CHRDL1: variants seen among roughly 807,000 people sequenced by gnomAD.
CHRDL1 encodes the protein chordin-like protein 1.
CHRDL1 carries 19 observed loss-of-function variants against 40.9 expected under a neutral mutation model. The ratio of observed to expected loss-of-function variants is 0.46; its 90% CI spans 0.32 to 0.68. The LOEUF (loss-of-function observed/expected upper bound fraction) is 0.68. Ranked by LOEUF, CHRDL1 falls within the 30% of genes least tolerant of loss-of-function variation. The probability of loss-of-function intolerance (pLI) is 0.03; values close to 1 mark genes in which losing one functional copy is unlikely to be tolerated. For synonymous variants in CHRDL1, 136 were observed against 123.4 expected (o/e 1.10, Z -0.68); for missense variants, 329 against 352.1 (o/e 0.93, Z 0.53).
intron 4 of CHRDL1, among the ~76,000 whole-genome samples, chrX:110,747,527 G>A (rs746083197): frequency 9.0e-6 from 1 of 111,481 alleles, no homozygotes; most frequent in Non-Finnish European, 1.9e-5. Context: ...AGAATCCTAT[G>A]CTTGGTTGTA....
rs1380612591 is a variant in CHRDL1 at position 110,675,937 on chromosome X, G to A, written c.*294C>T. 1 of 205,220 alleles carries A rather than the reference G, an allele frequency of 4.9e-6. No homozygotes were observed. The highest frequency in any genetic ancestry group is 7.3e-5 in the Admixed American group (1 of 13,778). 16.9% of individuals were successfully genotyped at this position (205,220 alleles called of 1,213,427 possible). On this transcript the variant is annotated 3_prime_UTR_variant, in exon 12 of 12. Transcript: ENST00000372042. ...AGATAAAAACCCTGGGGTCTTGTTT[G>A]TCTTTAACCTGTAAAGAAATGTGAT...
At chrX:110,792,941 G>T (rs1385986823) in intron 1 of CHRDL1, among the ~76,000 whole-genome samples, 1 of 112,220 alleles carries the variant, frequency 8.9e-6, no homozygotes, top group Admixed American at 9.4e-5. Context: ...CCATGCAAAA[G>T]ACCATTAAAA....
intron 9 of CHRDL1, among the ~76,000 whole-genome samples, chrX:110,687,518 T>A (rs947101613): frequency 8.9e-6 from 1 of 112,057 alleles, no homozygotes; most frequent in Non-Finnish European, 1.9e-5. Context: ...GTTGAAGAAG[T>A]ATATAATTTA....
intron 4 of CHRDL1, among the ~76,000 whole-genome samples, chrX:110,731,690 T>TG (rs1442277021): frequency 8.1e-5 from 9 of 110,786 alleles, no homozygotes; most frequent in African/African-American, 3.0e-4. Context: ...TTCTGCTAAG[T>TG]GAAAAAAAAG....
chrX:110,792,003 G>T, intron 2 of CHRDL1, 85 bp downstream of exon 2: 1 of 564,637 alleles, frequency 1.8e-6, no homozygotes, highest in Non-Finnish European at 2.8e-6. Context: ...CCACATTTGG[G>T]CTAAATCATA....
chrX:110,786,910 T>C (rs995262050), intron 2 of CHRDL1, among the ~76,000 whole-genome samples: 3 of 111,904 alleles, frequency 2.7e-5, no homozygotes, highest in Non-Finnish European at 5.6e-5. Flanking sequence ...GTGGCTGCCA[T>C]GTATAAAGGA....
intron 9 of CHRDL1, 99 bp downstream of exon 9, chrX:110,688,495 C>G: frequency 1.8e-6 from 1 of 553,158 alleles, no homozygotes; most frequent in East Asian, 3.3e-5. Context: ...ATTATCATTA[C>G]AATTATATGA....
chrX:110,709,604 T>C (rs141749074), intron 6 of CHRDL1, among the ~76,000 whole-genome samples: 240 of 112,482 alleles, frequency 2.1e-3, no homozygotes, highest in Middle Eastern at 0.014. Flanking sequence ...GTTTGCATCT[T>C]AATTAAAATC....
intron 4 of CHRDL1, among the ~76,000 whole-genome samples, chrX:110,743,401 C>T (rs1157810602): frequency 8.9e-6 from 1 of 112,128 alleles, no homozygotes; most frequent in African/African-American, 3.2e-5. Flanking sequence ...GATTTTTCCC[C>T]AGGGCCTTTG....
intron 2 of CHRDL1, among the ~76,000 whole-genome samples, chrX:110,774,168 G>C (rs1336916280): frequency 9.0e-6 from 1 of 111,506 alleles, no homozygotes; most frequent in Non-Finnish European, 1.9e-5. Flanking sequence ...AGTCTTCTTT[G>C]TCTGAAATTA....
intron 2 of CHRDL1, among the ~76,000 whole-genome samples, chrX:110,781,528 C>T (rs960046836): frequency 7.2e-5 from 8 of 111,266 alleles, no homozygotes; most frequent in African/African-American, 2.3e-4. Context: ...ATAATATTTA[C>T]CTATTTAAAA....
chrX:110,763,555 A>T (rs960858242), intron 2 of CHRDL1, among the ~76,000 whole-genome samples: 11 of 103,767 alleles, frequency 1.1e-4, no homozygotes, highest in Non-Finnish European at 1.5e-4. Flanking sequence ...ATATATATAT[A>T]TATACACACA....
chrX:110,727,784 C>A (rs780525352), intron 4 of CHRDL1, among the ~76,000 whole-genome samples: 2 of 112,187 alleles, frequency 1.8e-5, no homozygotes, highest in Non-Finnish European at 3.8e-5. Context: ...TTAGCAATAT[C>A]TGTTCATTTA....
chrX:110,740,153 G>T lies in CHRDL1; in HGVS notation c.302-18623C>A, dbSNP rs769818131. Among the ~76,000 whole-genome samples the T allele has an allele frequency of 3.5e-5, 4 of 112,862 alleles. No individual in the cohort carries two copies. The South Asian group carries it at 1.5e-3, about 42-fold the overall frequency. ...GCATGTCTGAGGAAGGCCAGGTAGG[G>T]TTGGACAAAAGATACAACTAGGCCA... On this transcript the variant is annotated intron_variant, in intron 4 of 11. Transcript: ENST00000372042.
chrX:110,762,326 G>C (rs939338304), intron 3 of CHRDL1, among the ~76,000 whole-genome samples: 1 of 111,462 alleles, frequency 9.0e-6, no homozygotes, highest in Non-Finnish European at 1.9e-5. Context: ...AACCATGCTG[G>C]AGTGCAGTGG....
chrX:110,732,504 T>C (rs766959258), intron 4 of CHRDL1, among the ~76,000 whole-genome samples: 5 of 112,227 alleles, frequency 4.5e-5, no homozygotes, highest in African/African-American at 1.6e-4. Context: ...CTGCTCCAGC[T>C]GGCGAGAAGA....
intron 4 of CHRDL1, 88 bp downstream of exon 4, chrX:110,759,573 C>T (rs2089522298): frequency 1.5e-6 from 1 of 688,799 alleles, no homozygotes; most frequent in Admixed American, 2.2e-5. Context: ...GGAAGTTTCC[C>T]TTCTGGGGAA....
At chrX:110,692,590 T>C (rs963071731) in intron 8 of CHRDL1, among the ~76,000 whole-genome samples, 2 of 112,434 alleles carry the variant, frequency 1.8e-5, no homozygotes, top group Non-Finnish European at 3.7e-5. Context: ...ATGGAATCTA[T>C]TGGAGGCAAT....
In CHRDL1 at chrX:110,760,322, G is replaced by A. The variant is rs748981888; in HGVS notation, c.208-568C>T. Among the ~76,000 whole-genome samples, 11 of 112,291 alleles carry A rather than the reference G, an allele frequency of 9.8e-5. No homozygotes were observed. In the South Asian group the frequency reaches 4.1e-3, roughly 42 times the overall value. On this transcript the variant is annotated intron_variant, in intron 3 of 11. Coordinates refer to ENST00000372042, the MANE Select transcript of CHRDL1 (RefSeq NM_001143981.2). ...AGCTGATTAGGTAGTATGCCTGGGT[G>A]GGGCGACTGGGTCCCTGCCTGATTT...
Sources: allele counts gnomAD v4.1 joint callset (sites outside exome capture counted in the v4.1 genomes callset), GRCh38; gene constraint gnomAD v4.1.1; transcripts MANE v1.5; gene names NCBI Gene and HGNC (gene_info 2026-07-23, HGNC 2026-07-21).